Variants in DIAPH2 observed in about 807,000 individuals in gnomAD.
DIAPH2 encodes diaphanous related formin 2.
Under a neutral mutation model 92.7 loss-of-function variants are expected in DIAPH2, and 35 were observed. The observed-to-expected ratio is 0.38, with a 90% CI of 0.29 to 0.50. DIAPH2 has a LOEUF of 0.50. Ranked by LOEUF, DIAPH2 falls within the 20% of genes least tolerant of loss-of-function variation. The pLI is 0.94. For missense variants in DIAPH2, 701 were observed against 819.5 expected (o/e 0.86, Z 1.77); for synonymous variants, 301 against 280.4 (o/e 1.07, Z -0.73).
At position 97,167,572 on chromosome X, in the gene DIAPH2, A is replaced by G. The variant is rs762846220; in HGVS notation, c.2719+25778A>G. Among the ~76,000 whole-genome samples the G allele has an allele frequency of 3.0e-4, 33 of 111,811 alleles. 1 individual carries two copies. The highest frequency in any genetic ancestry group is 9.1e-4 in the African/African-American group (28 of 30,854). ...GGGACCTCAGAGACCTGTAGCTTTC[A>G]TAGACCACACATTGAGAACTATTGT... On this transcript the variant is annotated intron_variant, in intron 22 of 26. Transcript: ENST00000324765.
At chrX:96,899,652 G>T (rs1456821203) in intron 5 of DIAPH2, among the ~76,000 whole-genome samples, 2 of 111,100 alleles carry the variant, frequency 1.8e-5, no homozygotes, top group Non-Finnish European at 3.8e-5. Flanking sequence ...TTTTCTAGAT[G>T]TACAATCATG....
intron 23 of DIAPH2, among the ~76,000 whole-genome samples, chrX:97,287,811 C>T (rs183398938): frequency 9.4e-6 from 1 of 106,805 alleles, no homozygotes; most frequent in Admixed American, 1.0e-4. Context: ...CCAAAATTGG[C>T]CGGGCCTAGT....
At chrX:97,442,048 A>G (rs932859653) in intron 26 of DIAPH2, 5 of 112,660 alleles carry the variant, frequency 4.4e-5, no homozygotes, top group Admixed American at 2.8e-4. Context: ...AGAAATTTCA[A>G]TCACTCACTT....
At position 97,132,961 on chromosome X, in the gene DIAPH2, T is replaced by A. The variant is rs1201229054; in HGVS notation, c.2590-8704T>A. Reference sequence around the variant, plus strand: ...GCACCTGTTGATAAGTTTGCTGAAGTTCATGTGGCCATTCATGTAAATCCA... The same window carrying A: ...GCACCTGTTGATAAGTTTGCTGAAGATCATGTGGCCATTCATGTAAATCCA... On this transcript the variant is annotated intron_variant, in intron 21 of 26. Coordinates refer to ENST00000324765, the MANE Select transcript of DIAPH2 (RefSeq NM_006729.5). Among the ~76,000 whole-genome samples, 4 of 110,715 alleles carry A rather than the reference T, an allele frequency of 3.6e-5. No homozygotes were observed. The East Asian group carries it at 1.1e-3, about 31-fold the overall frequency.
chrX:97,521,830 T>C (rs770347924), intron 26 of DIAPH2, among the ~76,000 whole-genome samples: 1 of 112,189 alleles, frequency 8.9e-6, no homozygotes, highest in Non-Finnish European at 1.9e-5. Flanking sequence ...AGCATAGGAA[T>C]GGACTAATAC....
chrX:96,913,356 CAAAAA>C (rs2065481449), intron 7 of DIAPH2, among the ~76,000 whole-genome samples: 1 of 111,187 alleles, frequency 9.0e-6, no homozygotes, highest in Non-Finnish European at 1.9e-5. Context: ...GAAAACATAA[CAAAAA>C]GAAAGAAATG....
chrX:97,394,329 A>G (rs2069686234), intron 25 of DIAPH2, among the ~76,000 whole-genome samples: 1 of 112,005 alleles, frequency 8.9e-6, no homozygotes, highest in Non-Finnish European at 1.9e-5. Flanking sequence ...ACAAGTTTGT[A>G]TGCTTGGTGG....
rs1243077339 is a variant in DIAPH2 at position 97,603,880 on chromosome X, C to T, written c.*4563C>T. ...TTCTATCACAGCCACCAAAATTCTT[C>T]TAGTCTCTACCCATTATCCAATTCC... On this transcript the variant is annotated 3_prime_UTR_variant, in exon 27 of 27. Coordinates refer to ENST00000324765, the MANE Select transcript of DIAPH2 (RefSeq NM_006729.5). The T allele has an allele frequency of 1.8e-5, 2 of 112,117 alleles. No homozygotes were observed. The highest frequency in any genetic ancestry group is 9.4e-5 in the Admixed American group (1 of 10,615). The allele number at this position is 112,117 out of a possible 1,213,427, so 9.2% of individuals were successfully genotyped here.
chrX:97,293,543 C>G (rs935127757), intron 23 of DIAPH2, among the ~76,000 whole-genome samples: 6 of 111,262 alleles, frequency 5.4e-5, no homozygotes, highest in East Asian at 2.8e-4. Flanking sequence ...GAGCCACTGC[C>G]CCCGGTCTTT....
At chrX:97,527,890 CT>C (rs1424300700) in intron 26 of DIAPH2, among the ~76,000 whole-genome samples, 6 of 111,320 alleles carry the variant, frequency 5.4e-5, no homozygotes, top group Non-Finnish European at 5.7e-5. Context: ...TTTTACTTCC[CT>C]TTTTGTGGTT....
intron 26 of DIAPH2, among the ~76,000 whole-genome samples, chrX:97,470,829 G>C (rs1269576095): frequency 9.0e-6 from 1 of 110,703 alleles, no homozygotes; most frequent in Non-Finnish European, 1.9e-5. Context: ...CACAAAAGAG[G>C]TATGGTTGTT....
chrX:96,868,321 C>T (rs1249416311), intron 4 of DIAPH2, among the ~76,000 whole-genome samples: 3 of 111,793 alleles, frequency 2.7e-5, no homozygotes, highest in South Asian at 7.5e-4. Context: ...GATGATCCAG[C>T]TTATGCCTAG....
chrX:97,206,312 A>G (rs1446579069), intron 22 of DIAPH2, among the ~76,000 whole-genome samples: 3 of 112,008 alleles, frequency 2.7e-5, no homozygotes, highest in Non-Finnish European at 5.6e-5. Flanking sequence ...CCTGGAACTT[A>G]AAGTAAAAAC....
chrX:96,890,252 G>A (rs2065298281), intron 5 of DIAPH2, among the ~76,000 whole-genome samples: 1 of 111,776 alleles, frequency 8.9e-6, no homozygotes, highest in Admixed American at 9.5e-5. Context: ...AATGGGATTG[G>A]AGCCTTCCAG....
chrX:97,491,222 C>T (rs2070723235), intron 26 of DIAPH2, among the ~76,000 whole-genome samples: 1 of 111,090 alleles, frequency 9.0e-6, no homozygotes, highest in South Asian at 3.8e-4. Flanking sequence ...TAAAGTATAG[C>T]CACTCCTGCT....
chrX:97,113,070 G>A (rs976109287), intron 20 of DIAPH2, among the ~76,000 whole-genome samples: 3 of 110,486 alleles, frequency 2.7e-5, no homozygotes, highest in African/African-American at 3.3e-5. Context: ...CTCAGCCACC[G>A]CGCCCGGCCA....
intron 26 of DIAPH2, among the ~76,000 whole-genome samples, chrX:97,487,206 GT>G (rs1460020865): frequency 8.9e-6 from 1 of 112,259 alleles, no homozygotes; most frequent in African/African-American, 3.2e-5. Context: ...TATCTTGGCT[GT>G]TGTGAATAAT....
At position 97,247,792 on chromosome X, in the gene DIAPH2, T is replaced by C. The variant is rs186280696; in HGVS notation, c.2797T>C (p.Phe933Leu). The stretch of plus-strand genomic sequence containing the variant: ...TCATCTGGAACGTGACATCAAGAAA[T>C]TCCCCCAAGCAGAAAATCAACACGA... The part of the protein sequence containing the change: ...IVHLERDIKK[F>L]PQAENQHDKF... Residue 933 changes from phenylalanine to leucine, a missense_variant, in exon 23 of 27, where the codon TTC becomes CTC. Phe to Leu is a conservative substitution (Grantham distance 22). Around this residue, in one of 3 missense-constraint regions of DIAPH2, gnomAD observed 536 missense variants for 599.3 expected, o/e 0.89. Coordinates refer to ENST00000324765, the MANE Select transcript of DIAPH2 (RefSeq NM_006729.5). 8.3e-7 allele frequency: 1 copy of C among 1,208,088 alleles called. No individual in the cohort carries two copies.
chrX:97,515,366 G>A (rs905227624), intron 26 of DIAPH2, among the ~76,000 whole-genome samples: 40 of 112,104 alleles, frequency 3.6e-4, no homozygotes, highest in Non-Finnish European at 6.6e-4. Context: ...GCCCTGCTTC[G>A]GCTTGCGCAC....
Sources: gnomAD v4.1 joint callset for allele counts (sites outside exome capture counted in the v4.1 genomes callset) on GRCh38, gnomAD v4.1.1 for gene constraint, gnomAD v4.1.1 regional missense constraint, MANE v1.5 for transcripts, NCBI Gene and HGNC (gene_info 2026-07-23, HGNC 2026-07-21) for gene names.